The following HMCES variants were observed in gnomAD, a reference collection of about 807,000 sequenced individuals.
HMCES encodes abasic site processing protein HMCES.
In HMCES, 27 loss-of-function variants were observed where a neutral mutation model predicts 35.1. That is an observed-to-expected ratio of 0.77 (90% confidence interval 0.57 to 1.06). The LOEUF (loss-of-function observed/expected upper bound fraction) is 1.06. Ranked by LOEUF, HMCES falls within the 50% of genes least tolerant of loss-of-function variation. HMCES has a pLI of 0.00. For missense variants in HMCES, 391 were observed against 430.4 expected (o/e 0.91, Z 0.81); for synonymous variants, 130 against 154.7 (o/e 0.84, Z 1.18).
rs990447353 is a variant in HMCES at position 129,304,854 on chromosome 3, G to A, written c.*29G>A. 1.3e-6 allele frequency: 2 copies of A among 1,550,934 alleles called. No individual in the cohort carries two copies. The highest frequency in any genetic ancestry group is 1.4e-5 in the African/African-American group (1 of 73,488). ...AGGACTTTCAGAGACCAAGGCCAGG[G>A]TCTGCTGCACTGCTGTTCTGATAAT... On this transcript the variant is annotated 3_prime_UTR_variant, in exon 7 of 7. Coordinates refer to ENST00000383463, the MANE Select transcript of HMCES (RefSeq NM_020187.3).
chr3:129,287,694 T>C (rs374706494), intron 2 of HMCES, among the ~76,000 whole-genome samples: 10 of 152,316 alleles, frequency 6.6e-5, no homozygotes, highest in East Asian at 3.9e-4. Context: ...CAACCTTGTA[T>C]ATAGGTTTTC....
chr3:129,279,184 G>A lies in HMCES; in HGVS notation c.-24+279G>A, dbSNP rs1940378587. The A allele has an allele frequency of 6.5e-6, 1 of 153,058 alleles. No individual in the cohort carries two copies. 9.5% of individuals were successfully genotyped at this position (153,058 alleles called of 1,614,324 possible). A position where few individuals can be genotyped will look rare whatever the true frequency, so the allele number is the denominator to read the frequency against. On this transcript the variant is annotated intron_variant, in intron 1 of 6. Transcript: ENST00000383463. This position sits in a 1 kb window ranked among gnomAD's most constrained non-coding sequence, Gnocchi z 4.2. Reference sequence around the variant, plus strand: ...CCCGCTCCGGGGAGCAGAGTCCGGAGCGGGATCCGCGGCCCACAGGTTCGC... The same window carrying A: ...CCCGCTCCGGGGAGCAGAGTCCGGAACGGGATCCGCGGCCCACAGGTTCGC...
At chr3:129,302,850 C>T (rs935481061) in intron 6 of HMCES, among the ~76,000 whole-genome samples, 1 of 143,444 alleles carries the variant, frequency 7.0e-6, no homozygotes, top group South Asian at 2.2e-4. Flanking sequence ...CCGTTCTCCA[C>T]AAAAAGGAAA....
intron 5 of HMCES, among the ~76,000 whole-genome samples, chr3:129,301,603 T>C (rs567700884): frequency 8.3e-4 from 126 of 152,342 alleles, no homozygotes; most frequent in African/African-American, 2.7e-3. Context: ...AGGCTTGAGA[T>C]TGCTGTTGAT....
chr3:129,301,862 T>C, intron 5 of HMCES, 88 bp from the exon 6 acceptor site: 5 of 1,046,472 alleles, frequency 4.8e-6, no homozygotes, highest in Non-Finnish European at 4.2e-6. Context: ...TTGTGATATT[T>C]GAGGTATCAG....
intron 4 of HMCES, among the ~76,000 whole-genome samples, chr3:129,297,785 A>G (rs1016261848): frequency 6.6e-6 from 1 of 152,182 alleles, no homozygotes; most frequent in African/African-American, 2.4e-5. Flanking sequence ...CTTAAATTTC[A>G]GGGAAATTGA....
intron 2 of HMCES, among the ~76,000 whole-genome samples, chr3:129,285,274 T>G (rs913513144): frequency 6.6e-6 from 1 of 152,132 alleles, no homozygotes; most frequent in Non-Finnish European, 1.5e-5. Context: ...AATCCTTACC[T>G]TAGAAAAATA....
In HMCES at chr3:129,294,915, C is replaced by T. The variant is rs187289314; in HGVS notation, c.454-3439C>T. ...GCTCATGCCTGTAATCCCAGCACTT[C>T]GGGAGGCCGAGGTGGGCGGATCACC... On this transcript the variant is annotated intron_variant, in intron 4 of 6. Transcript: ENST00000383463. Among the ~76,000 whole-genome samples the T allele has an allele frequency of 2.9e-3, 444 of 151,542 alleles. 7 individuals carry two copies. Among genetic ancestry groups the T allele is most frequent in the Admixed American group, 0.024 (373 of 15,238 alleles).
chr3:129,289,465 C>CTT lies in HMCES; in HGVS notation c.327+470_327+471dup, dbSNP rs1331173090. 5.9e-5 allele frequency among the ~76,000 whole-genome samples: 9 copies of CTT among 152,336 alleles called. No individual in the cohort carries two copies. The East Asian group carries it at 1.7e-3, about 29-fold the overall frequency. Reference sequence around the variant, plus strand: ...ACAGAGCAGGACAGAAGATATAAGCCTTTGTCTTACAGCATCACTTAATCT... The same window carrying CTT: ...ACAGAGCAGGACAGAAGATATAAGCCTTTTTGTCTTACAGCATCACTTAATCT... On this transcript the variant is annotated intron_variant, in intron 3 of 6. Transcript: ENST00000383463.
At chr3:129,297,333 G>GCTTTTT (rs2107695929) in intron 4 of HMCES, among the ~76,000 whole-genome samples, 1 of 152,186 alleles carries the variant, frequency 6.6e-6, no homozygotes, top group African/African-American at 2.4e-5. Context: ...GGCGTAGGGG[G>GCTTTTT]CTTTTTCTTT....
intron 2 of HMCES, among the ~76,000 whole-genome samples, chr3:129,281,810 T>C (rs1940496028): frequency 6.7e-6 from 1 of 150,284 alleles, no homozygotes; most frequent in African/African-American, 2.5e-5. Context: ...TTGAGATCAG[T>C]CTGGCCAACA....
chr3:129,302,183 G>C, intron 6 of HMCES, 41 bp downstream of exon 6: 1 of 1,509,644 alleles, frequency 6.6e-7, no homozygotes, highest in Non-Finnish European at 9.0e-7. Context: ...TGAGCTTTCT[G>C]TCTTCTGTCA....
intron 2 of HMCES, among the ~76,000 whole-genome samples, chr3:129,286,084 T>C (rs1422935767): frequency 1.3e-5 from 2 of 152,210 alleles, no homozygotes; most frequent in African/African-American, 4.8e-5. Flanking sequence ...ATCTTTCCTC[T>C]ATACCAGGGA....
rs375669857 is a variant in HMCES at position 129,288,884 on chromosome 3, C to A, written c.214C>A (p.Pro72Thr). The A allele has an allele frequency of 2.1e-5, 34 of 1,589,148 alleles. No homozygotes were observed. Among genetic ancestry groups the A allele is most frequent in the Non-Finnish European group, 2.8e-5 (32 of 1,160,520 alleles). Residue 72 changes from proline to threonine, a missense_variant, in exon 3 of 7, where the codon CCC (proline) becomes ACC (threonine). Coordinates refer to ENST00000383463, the MANE Select transcript of HMCES (RefSeq NM_020187.3). ...DADSSERIIAPMRWGLVPSWF... is the reference protein window; with the variant it reads ...DADSSERIIATMRWGLVPSWF... ...AGACTCATCTGAGCGTATCATTGCT[C>A]CCATGCGCTGGGGCTTGGTCCCTTC...
intron 6 of HMCES, among the ~76,000 whole-genome samples, chr3:129,303,182 C>G (rs1430412317): frequency 1.3e-5 from 2 of 152,074 alleles, no homozygotes; most frequent in Non-Finnish European, 2.9e-5. Context: ...AGTTCCAGAG[C>G]AAAAAGCTGG....
Position 129,287,149 on chromosome 3 carries a change from T to C in HMCES, c.184-1705T>C, listed in dbSNP as rs535406919. Among the ~76,000 whole-genome samples, 34 of 152,308 alleles carry C rather than the reference T, an allele frequency of 2.2e-4. No individual in the cohort carries two copies. The East Asian group carries it at 6.5e-3, about 29-fold the overall frequency. ...GGAGGATACTGCAAGCATGTTACTT[T>C]CTCCAGCAACGAAAAATGTAGTAAT... On this transcript the variant is annotated intron_variant, in intron 2 of 6. Coordinates refer to ENST00000383463, the MANE Select transcript of HMCES (RefSeq NM_020187.3).
chr3:129,295,796 C>T lies in HMCES; in HGVS notation c.454-2558C>T, dbSNP rs148384684. Among the ~76,000 whole-genome samples, 50 of 152,272 alleles carry T rather than the reference C, an allele frequency of 3.3e-4. No individual in the cohort carries two copies. In the East Asian group the frequency reaches 9.5e-3, roughly 29 times the overall value. ...TCCACCCCTGCTTTTAAGATTTTCT[C>T]TTAGGGCAGCTGTTTGAATACATTG... is the stretch of plus-strand genomic sequence containing the variant. On this transcript the variant is annotated intron_variant, in intron 4 of 6. Transcript: ENST00000383463.
chr3:129,300,297 C>T (rs1356221662), intron 5 of HMCES, among the ~76,000 whole-genome samples: 1 of 152,094 alleles, frequency 6.6e-6, no homozygotes, highest in African/African-American at 2.4e-5. Flanking sequence ...TTTTGTGGCT[C>T]AGTTCATCTG....
intron 2 of HMCES, among the ~76,000 whole-genome samples, chr3:129,287,335 T>C (rs1342444396): frequency 1.3e-5 from 2 of 152,034 alleles, no homozygotes; most frequent in East Asian, 3.9e-4. Flanking sequence ...GTGGTCCTCC[T>C]ACCTCTGCCT....
Sources: allele counts gnomAD v4.1 joint callset (sites outside exome capture counted in the v4.1 genomes callset), GRCh38; gene constraint gnomAD v4.1.1; non-coding constraint Gnocchi (gnomAD v3.1); transcripts MANE v1.5; gene names NCBI Gene and HGNC (gene_info 2026-07-23, HGNC 2026-07-21).